The following RBFOX1 variants were observed in gnomAD, a reference collection of about 807,000 sequenced individuals.
RBFOX1 encodes the protein RNA binding fox-1 homolog 1, also known as RNA binding protein fox-1 homolog 1.
A neutral mutation model predicts 57.7 loss-of-function variants in RBFOX1; 8 were observed. The ratio of observed to expected loss-of-function variants is 0.14; its 90% CI spans 0.08 to 0.25. RBFOX1 has a LOEUF of 0.25. Ranked by LOEUF, RBFOX1 falls within the 10% of genes least tolerant of loss-of-function variation. The probability of loss-of-function intolerance (pLI) is 1.00; values close to 1 mark genes in which losing one functional copy is unlikely to be tolerated. For missense variants in RBFOX1, 611 were observed against 548.5 expected (o/e 1.11, Z -1.14); for synonymous variants, 326 against 222.4 (o/e 1.47, Z -4.15).
At chr16:7,256,456 T>C (rs2094688236) in intron 4 of RBFOX1, among the ~76,000 whole-genome samples, 1 of 152,236 alleles carries the variant, frequency 6.6e-6, no homozygotes, top group Admixed American at 6.5e-5. Flanking sequence ...TATGGCATTA[T>C]TGCTGACCTT....
At chr16:5,587,018 CAAGT>C in intron 2 of RBFOX1, among the ~76,000 whole-genome samples, 1 of 152,096 alleles carries the variant, frequency 6.6e-6, no homozygotes, top group Non-Finnish European at 1.5e-5. Context: ...GAAAAGAAGG[CAAGT>C]AGAGGAAAAC....
chr16:7,428,906 C>G (rs1330736714), intron 4 of RBFOX1, among the ~76,000 whole-genome samples: 1 of 152,132 alleles, frequency 6.6e-6, no homozygotes, highest in East Asian at 1.9e-4. Flanking sequence ...AGTGACACTA[C>G]TCACATCTGC....
At chr16:7,279,074 A>G (rs2095494069) in intron 4 of RBFOX1, among the ~76,000 whole-genome samples, 1 of 150,892 alleles carries the variant, frequency 6.6e-6, no homozygotes. Context: ...AAAGTGACGT[A>G]GGTTTCTGGA....
At chr16:7,197,252 G>A (rs60867824) in intron 4 of RBFOX1, among the ~76,000 whole-genome samples, 3,786 of 152,142 alleles carry the variant, frequency 0.025, 151 homozygotes, top group African/African-American at 0.085. Context: ...AAATGAATAA[G>A]GAAAACTGTG....
chr16:7,015,289 G>A (rs2093853001), intron 3 of RBFOX1, among the ~76,000 whole-genome samples: 1 of 152,144 alleles, frequency 6.6e-6, no homozygotes, highest in South Asian at 2.1e-4. Context: ...ATCAGAAACT[G>A]CTCGCATTCC....
chr16:7,429,736 G>C (rs1049663485), intron 4 of RBFOX1, among the ~76,000 whole-genome samples: 1 of 152,186 alleles, frequency 6.6e-6, no homozygotes, highest in Admixed American at 6.5e-5. Flanking sequence ...ATTGGGAAAA[G>C]TGCATGGGTA....
At chr16:6,144,043 C>T (rs1294844772) in intron 1 of RBFOX1, among the ~76,000 whole-genome samples, 1 of 151,644 alleles carries the variant, frequency 6.6e-6, no homozygotes, top group Non-Finnish European at 1.5e-5. Context: ...CAGTGATCCT[C>T]TTGCCTCAGC....
intron 3 of RBFOX1, among the ~76,000 whole-genome samples, chr16:6,885,570 C>T (rs1018340434): frequency 4.0e-5 from 6 of 151,622 alleles, no homozygotes; most frequent in Non-Finnish European, 8.8e-5. Context: ...CTTGCTCTGT[C>T]ATCCAGGCTG....
intron 4 of RBFOX1, among the ~76,000 whole-genome samples, chr16:7,504,319 G>T (rs1455648636): frequency 1.3e-5 from 2 of 151,980 alleles, no homozygotes; most frequent in Non-Finnish European, 2.9e-5. Context: ...TTGTATTATT[G>T]TTATTATCAA....
intron 3 of RBFOX1, among the ~76,000 whole-genome samples, chr16:6,936,746 C>T (rs117938642): frequency 2.6e-5 from 4 of 151,788 alleles, no homozygotes; most frequent in South Asian, 2.1e-4. Flanking sequence ...TAGGGTAATT[C>T]CATACTGTAT....
chr16:6,450,499 A>G (rs1470396969), intron 2 of RBFOX1, among the ~76,000 whole-genome samples: 1 of 151,526 alleles, frequency 6.6e-6, no homozygotes, highest in Non-Finnish European at 1.5e-5. Context: ...GCCGATTGGT[A>G]GGAAAGCCAG....
intron 4 of RBFOX1, among the ~76,000 whole-genome samples, chr16:7,495,864 A>G (rs1267029646): frequency 6.6e-6 from 1 of 151,246 alleles, no homozygotes; most frequent in Non-Finnish European, 1.5e-5. Flanking sequence ...AATAAAAAAT[A>G]AATTACTTTT....
intron 5 of RBFOX1, among the ~76,000 whole-genome samples, chr16:7,566,012 C>T (rs2091590915): frequency 6.6e-6 from 1 of 152,106 alleles, no homozygotes; most frequent in South Asian, 2.1e-4. Context: ...TGCCGAGCGC[C>T]TACTATGTGT....
chr16:7,543,877 C>T (rs576296959), intron 5 of RBFOX1, among the ~76,000 whole-genome samples: 17 of 111,160 alleles, frequency 1.5e-4, no homozygotes, highest in East Asian at 9.6e-4. Flanking sequence ...CGCACCACCA[C>T]GCCCAGCTAA....
chr16:5,770,378 A>G (rs1418753831), intron 3 of RBFOX1, among the ~76,000 whole-genome samples: 2 of 152,214 alleles, frequency 1.3e-5, no homozygotes, highest in Non-Finnish European at 2.9e-5. Context: ...TAAGTTTACA[A>G]ATGCCATGGT....
At chr16:7,673,004 C>G (rs2072061588) in intron 13 of RBFOX1, among the ~76,000 whole-genome samples, 1 of 151,260 alleles carries the variant, frequency 6.6e-6, no homozygotes, top group South Asian at 2.1e-4. Context: ...TGTTTTGCAC[C>G]AAGTGAGACT....
intron 2 of RBFOX1, among the ~76,000 whole-genome samples, chr16:6,482,485 C>T (rs2095386820): frequency 6.6e-6 from 1 of 152,178 alleles, no homozygotes. Context: ...TGAAATAGAT[C>T]TATGAGGACT....
chr16:6,883,464 T>C (rs1048764797), intron 3 of RBFOX1, among the ~76,000 whole-genome samples: 2 of 152,238 alleles, frequency 1.3e-5, no homozygotes, highest in East Asian at 3.8e-4. Flanking sequence ...TTGATTGCAC[T>C]AGCCGCTTTC....
intron 4 of RBFOX1, among the ~76,000 whole-genome samples, chr16:7,076,060 T>TC (rs1309007571): frequency 1.1e-3 from 163 of 151,484 alleles, no homozygotes; most frequent in African/African-American, 3.7e-3. Flanking sequence ...TCTTTTTTTT[T>TC]CGAGACGAGT....
Sources: allele counts gnomAD v4.1 joint callset (sites outside exome capture counted in the v4.1 genomes callset), GRCh38; gene constraint gnomAD v4.1.1; transcripts MANE v1.5; gene names NCBI Gene and HGNC (gene_info 2026-07-23, HGNC 2026-07-21).